Variants in PCF11 observed in about 807,000 individuals in gnomAD.
PCF11 encodes PCF11 cleavage and polyadenylation factor subunit.
In PCF11, 19 loss-of-function variants were observed where a neutral mutation model predicts 166.1. That is an observed-to-expected ratio of 0.11 (90% CI 0.08 to 0.17). The LOEUF (loss-of-function observed/expected upper bound fraction) is 0.17. Ranked by LOEUF, PCF11 falls within the 10% of genes least tolerant of loss-of-function variation. The pLI is 1.00. For missense variants in PCF11, 1,565 were observed against 1,855.5 expected (o/e 0.84, Z 2.88); for synonymous variants, 663 against 644.1 (o/e 1.03, Z -0.44).
At chr11:83,165,500 AT>A (rs1860415000) in intron 4 of PCF11, 99 bp from the exon 5 acceptor site, 1 of 779,748 alleles carries the variant, frequency 1.3e-6, no homozygotes, top group Non-Finnish European at 2.0e-6. Context: ...TTGAGTAAAT[AT>A]ATTTATTGAA....
chr11:83,163,079 T>C (rs760554105), intron 2 of PCF11, among the ~76,000 whole-genome samples: 19 of 152,194 alleles, frequency 1.2e-4, no homozygotes, highest in Non-Finnish European at 2.4e-4. Flanking sequence ...CAATGGCAAA[T>C]TTTCTAAACA....
intron 2 of PCF11, 80 bp from the exon 3 acceptor site, chr11:83,163,599 C>A: frequency 2.1e-6 from 1 of 466,246 alleles, no homozygotes. Flanking sequence ...TGAAGTAGAG[C>A]AGATTTATAT....
At chr11:83,170,810 GAAAATAC>G (rs1860662261) in intron 8 of PCF11, among the ~76,000 whole-genome samples, 3 of 152,120 alleles carry the variant, frequency 2.0e-5, no homozygotes, top group Admixed American at 2.0e-4. Flanking sequence ...TTGCATGGAA[GAAAATAC>G]AAAATAAGAA....
chr11:83,167,977 A>T lies in PCF11; in HGVS notation c.2093-451A>T, dbSNP rs1860533013. Reference sequence around the variant, plus strand: ...AAATGAACAAGCTAAGTGGGGATGGATTTTTGTGACTGTTCAGATTACCAT... The same window carrying T: ...AAATGAACAAGCTAAGTGGGGATGGTTTTTTGTGACTGTTCAGATTACCAT... On this transcript the variant is annotated intron_variant, in intron 7 of 15. Coordinates refer to ENST00000298281, the Ensembl canonical transcript of PCF11. The surrounding 1 kb of genome is among the most constrained non-coding windows in gnomAD (Gnocchi z 4.2). 9.1e-7 allele frequency: 1 copy of T among 1,098,926 alleles called. No homozygotes were observed. The highest frequency in any genetic ancestry group is 1.2e-6 in the Non-Finnish European group (1 of 853,900). The allele number at this position is 1,098,926 out of a possible 1,614,324, so 68.1% of individuals were successfully genotyped here.
Position 83,166,855 on chromosome 11 carries a change from C to T in PCF11, c.1817+141C>T, listed in dbSNP as rs1860481842. On this transcript the variant is annotated intron_variant, in intron 5 of 15. Coordinates refer to ENST00000298281, the Ensembl canonical transcript of PCF11. ...TTCTTACATCTCTGTGGGTTAAATACTATTATTATTTCTATTTTACAGATA... is the reference window on the plus strand; with the variant it reads ...TTCTTACATCTCTGTGGGTTAAATATTATTATTATTTCTATTTTACAGATA... The T allele has an allele frequency of 6.7e-6, 5 of 751,526 alleles. No individual in the cohort carries two copies. The East Asian group carries it at 1.3e-4, about 20-fold the overall frequency. 46.6% of individuals were successfully genotyped at this position (751,526 alleles called of 1,614,324 possible). A position where few individuals can be genotyped will look rare whatever the true frequency, so the allele number is the denominator to read the frequency against.
chr11:83,159,923 T>TA (rs1375942552), intron 1 of PCF11, among the ~76,000 whole-genome samples: 1 of 152,206 alleles, frequency 6.6e-6, no homozygotes, highest in Non-Finnish European at 1.5e-5. Flanking sequence ...CTTTGGTGTT[T>TA]AAGAGAGCCT....
intron 9 of PCF11, among the ~76,000 whole-genome samples, chr11:83,173,669 C>T (rs1331308393): frequency 1.4e-5 from 2 of 147,600 alleles, no homozygotes; most frequent in Non-Finnish European, 3.0e-5. Flanking sequence ...GGGTTAGTGG[C>T]ATGAGATGCT....
intron 9 of PCF11, among the ~76,000 whole-genome samples, chr11:83,174,483 T>C (rs1282726054): frequency 6.6e-6 from 1 of 151,092 alleles, no homozygotes; most frequent in African/African-American, 2.4e-5. Flanking sequence ...CCTCCCAAAG[T>C]GTTGGGTTTA....
exon 5 of PCF11, chr11:83,166,319 G>T (rs181182830): frequency 1.2e-6 from 2 of 1,613,700 alleles, no homozygotes; most frequent in East Asian, 4.5e-5. Context: ...CAGGGAGATC[G>T]AGTACTAGAA....
At chr11:83,165,722 A>G (rs1002343854) in exon 5 of PCF11, 5 of 1,613,794 alleles carry the variant, frequency 3.1e-6, no homozygotes, top group Non-Finnish European at 4.2e-6. Context: ...TTCCTGTGCA[A>G]TCTGAGAAAA....
In PCF11 at chr11:83,167,275, A is replaced by G; in HGVS notation, c.1968A>G (p.Leu656=). ...CCAATCTTCAGATTCCTAAAGAGTT[A>G]ACTCTTGCAAGCAAAAGAGAATTAC... Residue 656 remains leucine (L), a synonymous_variant, in exon 6 of 16, where the codon TTA becomes TTG. Coordinates refer to ENST00000298281, the Ensembl canonical transcript of PCF11. This position sits in a 1 kb window ranked among gnomAD's most constrained non-coding sequence, Gnocchi z 4.2. 1 of 1,613,348 alleles carries G rather than the reference A, an allele frequency of 6.2e-7. No individual in the cohort carries two copies. The highest frequency in any genetic ancestry group is 8.5e-7 in the Non-Finnish European group (1 of 1,179,474).
At chr11:83,170,616 G>A (rs1218887172) in intron 8 of PCF11, among the ~76,000 whole-genome samples, 2 of 152,046 alleles carry the variant, frequency 1.3e-5, no homozygotes, top group East Asian at 3.9e-4. Flanking sequence ...CACTTGTTCT[G>A]TATACATTTT....
chr11:83,167,987 C>G lies in PCF11; in HGVS notation c.2093-441C>G. On this transcript the variant is annotated intron_variant, in intron 7 of 15. Coordinates refer to ENST00000298281, the Ensembl canonical transcript of PCF11. The surrounding 1 kb of genome is among the most constrained non-coding windows in gnomAD (Gnocchi z 4.2). ...GCTAAGTGGGGATGGATTTTTGTGA[C>G]TGTTCAGATTACCATTTTTTTTCCC... The G allele has an allele frequency of 9.9e-7, 1 of 1,012,080 alleles. No individual in the cohort carries two copies. The highest frequency in any genetic ancestry group is 1.3e-6 in the Non-Finnish European group (1 of 776,240). 62.7% of individuals were successfully genotyped at this position (1,012,080 alleles called of 1,614,324 possible).
chr11:83,183,844 G>A (rs919512167), intron 15 of PCF11, among the ~76,000 whole-genome samples: 3 of 151,840 alleles, frequency 2.0e-5, no homozygotes, highest in South Asian at 2.1e-4. Flanking sequence ...GATACCAGTC[G>A]TTGACCTTAA....
At position 83,161,457 on chromosome 11, in the gene PCF11, A is replaced by G. The variant is rs748751038; in HGVS notation, c.318+5A>G. On this transcript the variant is annotated splice_donor_5th_base_variant and intron_variant, in intron 2 of 15. Coordinates refer to ENST00000298281, the Ensembl canonical transcript of PCF11. ...TTTATTTGTGTGTTTGAAAAGGTAC[A>G]TATGCATTTAGAAACATTTGCGTTT... is the stretch of plus-strand genomic sequence containing the variant. 3 of 1,552,138 alleles carry G rather than the reference A, an allele frequency of 1.9e-6. No homozygotes were observed. The highest frequency in any genetic ancestry group is 2.6e-6 in the Non-Finnish European group (3 of 1,155,250).
chr11:83,162,033 T>TTAG (rs1860277205), intron 2 of PCF11, among the ~76,000 whole-genome samples: 1 of 152,232 alleles, frequency 6.6e-6, no homozygotes, highest in African/African-American at 2.4e-5. Context: ...TGCCCCTACC[T>TTAG]TAGTGTTCAG....
At chr11:83,185,371 G>A (rs1014912770) in exon 16 of PCF11, 2 of 152,368 alleles carry the variant, frequency 1.3e-5, no homozygotes, top group African/African-American at 4.8e-5. Context: ...TTCCGAGAGA[G>A]CACCGTAGGG....
exon 8 of PCF11, chr11:83,169,922 A>C (rs771966166): frequency 1.2e-6 from 2 of 1,609,300 alleles, no homozygotes; most frequent in Non-Finnish European, 1.7e-6. Context: ...AAAAATCTTC[A>C]GAGTTCTCAA....
chr11:83,161,240 T>G (rs1224359934), intron 1 of PCF11, 87 bp from the exon 2 acceptor site: 1 of 993,626 alleles, frequency 1.0e-6, no homozygotes, highest in Non-Finnish European at 1.5e-6. Context: ...AAAATAGAGG[T>G]CTGTATTGTA....
Sources: gnomAD v4.1 joint callset for allele counts (sites outside exome capture counted in the v4.1 genomes callset) on GRCh38, gnomAD v4.1.1 for gene constraint, Gnocchi (gnomAD v3.1) non-coding constraint, MANE v1.5 for transcripts, NCBI Gene and HGNC (gene_info 2026-07-23, HGNC 2026-07-21) for gene names.